CCDC3: variants seen among roughly 807,000 people sequenced by gnomAD.
CCDC3 encodes the protein coiled-coil domain containing 3.
A neutral mutation model predicts 21.4 loss-of-function variants in CCDC3; 24 were observed. The observed-to-expected ratio is 1.12, with a 90% CI of 0.81 to 1.58. CCDC3 has a LOEUF of 1.58. CCDC3 is among the 40% of genes most tolerant of loss of function. The pLI is 0.00. For synonymous variants in CCDC3, 186 were observed against 166.0 expected (o/e 1.12, Z -0.93); for missense variants, 425 against 360.9 (o/e 1.18, Z -1.44).
At chr10:13,078,954 T>C (rs548313319) in intron 3 of CCDC3, among the ~76,000 whole-genome samples, 1 of 152,244 alleles carries the variant, frequency 6.6e-6, no homozygotes, top group African/African-American at 2.4e-5. Context: ...GGCACATGTA[T>C]ACATATATAA....
intron 2 of CCDC3, among the ~76,000 whole-genome samples, chr10:12,987,589 CCTGT>C (rs1835615624): frequency 6.6e-6 from 1 of 152,136 alleles, no homozygotes; most frequent in Non-Finnish European, 1.5e-5. Context: ...CTATCAAGGA[CCTGT>C]CTATTCTTGC....
chr10:12,993,847 G>A lies in CCDC3; in HGVS notation c.549+4491C>T, dbSNP rs941423139. Among the ~76,000 whole-genome samples, 3 of 152,292 alleles carry A rather than the reference G, an allele frequency of 2.0e-5. No homozygotes were observed. The East Asian group carries it at 5.8e-4, about 29-fold the overall frequency. The stretch of plus-strand genomic sequence containing the variant: ...GATATTTGAAGATGGAGAGGTGCTG[G>A]AAAGGAACCAGAGTGTGGGAGGACT... On this transcript the variant is annotated intron_variant, in intron 2 of 2. Transcript: ENST00000378825.
chr10:12,905,711 C>G (rs1370397873), intron 2 of CCDC3, among the ~76,000 whole-genome samples: 1 of 152,198 alleles, frequency 6.6e-6, no homozygotes, highest in African/African-American at 2.4e-5. Context: ...AACAAACCAG[C>G]TCTTCCCAGC....
intron 2 of CCDC3, among the ~76,000 whole-genome samples, chr10:12,905,979 G>A (rs1834165143): frequency 6.6e-6 from 1 of 152,200 alleles, no homozygotes; most frequent in Non-Finnish European, 1.5e-5. Flanking sequence ...GGAAGCCCAT[G>A]GGCCTTTACC....
At chr10:12,923,353 T>A (rs569327593) in intron 2 of CCDC3, among the ~76,000 whole-genome samples, 6 of 152,186 alleles carry the variant, frequency 3.9e-5, no homozygotes, top group Non-Finnish European at 7.4e-5. Context: ...TTACAGCCAC[T>A]CTGAAATACT....
intron 2 of CCDC3, among the ~76,000 whole-genome samples, chr10:12,932,342 C>T (rs1022423423): frequency 6.6e-6 from 1 of 152,172 alleles, no homozygotes; most frequent in African/African-American, 2.4e-5. Flanking sequence ...AGAACACTTA[C>T]ACTGGTCTAC....
At chr10:12,977,344 G>T (rs529536336) in intron 2 of CCDC3, among the ~76,000 whole-genome samples, 1 of 150,954 alleles carries the variant, frequency 6.6e-6, no homozygotes. Flanking sequence ...AGAAAGAAAA[G>T]AAAGTGTCGT....
At chr10:12,994,426 C>A (rs1045438215) in intron 2 of CCDC3, among the ~76,000 whole-genome samples, 23 of 147,724 alleles carry the variant, frequency 1.6e-4, no homozygotes, top group African/African-American at 5.5e-4. Flanking sequence ...AAAAAAAAAA[C>A]ACCCAGCACC....
At chr10:13,050,740 T>A (rs1444666658) in intron 4 of CCDC3, among the ~76,000 whole-genome samples, 1 of 152,096 alleles carries the variant, frequency 6.6e-6, no homozygotes, top group Non-Finnish European at 1.5e-5. Context: ...ATTACAGGCG[T>A]GAACCACCGC....
Position 12,932,749 on chromosome 10 carries a change from C to T in CCDC3, c.550-34070G>A, listed in dbSNP as rs78354246. ...ATCCTTGCCTTGTTCCTGATCTTAG[C>T]GGGAAAGCTTTGGGCTTCTCACTAT... On this transcript the variant is annotated intron_variant, in intron 2 of 2. Transcript: ENST00000378825. 5.7e-3 allele frequency among the ~76,000 whole-genome samples: 874 copies of T among 152,210 alleles called. 8 individuals carry two copies. The highest frequency in any genetic ancestry group is 0.02 in the African/African-American group (823 of 41,536).
intron 5 of CCDC3, among the ~76,000 whole-genome samples, chr10:13,014,395 A>G (rs2131400637): frequency 6.7e-6 from 1 of 149,386 alleles, no homozygotes; most frequent in South Asian, 2.1e-4. Flanking sequence ...GCTTGCAGTG[A>G]GCCAAGATCG....
At chr10:13,086,311 A>C (rs1643465331) in intron 3 of CCDC3, among the ~76,000 whole-genome samples, 1 of 152,246 alleles carries the variant, frequency 6.6e-6, no homozygotes, top group Non-Finnish European at 1.5e-5. Flanking sequence ...AAAGTAGATG[A>C]ATAATCATTC....
chr10:12,941,454 CCT>C, intron 2 of CCDC3, among the ~76,000 whole-genome samples: 1 of 152,250 alleles, frequency 6.6e-6, no homozygotes, highest in East Asian at 1.9e-4. Context: ...ATCCAAGAAC[CCT>C]CTCTTGGGGT....
intron 2 of CCDC3, among the ~76,000 whole-genome samples, chr10:12,979,085 A>G (rs979056476): frequency 9.2e-5 from 14 of 152,280 alleles, no homozygotes; most frequent in Admixed American, 5.9e-4. Flanking sequence ...ATTGCTCACA[A>G]GGAAATTCCT....
intron 2 of CCDC3, among the ~76,000 whole-genome samples, chr10:12,979,348 T>G (rs908346170): frequency 6.6e-6 from 1 of 151,788 alleles, no homozygotes; most frequent in Non-Finnish European, 1.5e-5. Flanking sequence ...TTTCCCCTCC[T>G]GCTTGTTCTT....
chr10:13,015,480 GAC>G (rs1836044487), intron 5 of CCDC3, among the ~76,000 whole-genome samples: 1 of 148,232 alleles, frequency 6.7e-6, no homozygotes, highest in African/African-American at 2.6e-5. Context: ...CGGTTACTGT[GAC>G]TGTGTGTTAG....
chr10:12,905,423 G>A (rs192395765), intron 2 of CCDC3, among the ~76,000 whole-genome samples: 106 of 152,302 alleles, frequency 7.0e-4, no homozygotes, highest in African/African-American at 2.4e-3. Flanking sequence ...GGGGCTCAAG[G>A]CAAACGCAGG....
chr10:13,026,784 C>G (rs1836222840), intron 5 of CCDC3, among the ~76,000 whole-genome samples: 1 of 152,126 alleles, frequency 6.6e-6, no homozygotes, highest in Non-Finnish European at 1.5e-5. Flanking sequence ...ACATCATAAG[C>G]TTTTCTTTCC....
At chr10:13,066,893 A>G (rs1359394939) in intron 4 of CCDC3, among the ~76,000 whole-genome samples, 2 of 152,094 alleles carry the variant, frequency 1.3e-5, no homozygotes, top group Admixed American at 6.6e-5. Context: ...TTTTCGCCCA[A>G]TAAAACCCTC....
Sources: allele counts gnomAD v4.1 joint callset (sites outside exome capture counted in the v4.1 genomes callset), GRCh38; gene constraint gnomAD v4.1.1; transcripts MANE v1.5; gene names NCBI Gene and HGNC (gene_info 2026-07-23, HGNC 2026-07-21).